NEUROD6: variants seen among roughly 807,000 people sequenced by gnomAD.
NEUROD6 encodes neurogenic differentiation factor 6.
In NEUROD6, 5 loss-of-function variants were observed where a neutral mutation model predicts 24.1. The observed-to-expected ratio is 0.21, with a 90% CI of 0.11 to 0.44. The LOEUF is 0.44. Ranked by LOEUF, NEUROD6 falls within the 20% of genes least tolerant of loss-of-function variation. The probability of loss-of-function intolerance (pLI) is 0.99; values close to 1 mark genes in which losing one functional copy is unlikely to be tolerated. For synonymous variants in NEUROD6, 182 were observed against 154.1 expected, an observed-to-expected ratio of 1.18 and a Z score of -1.34; for missense variants, 325 against 409.5, an observed-to-expected ratio of 0.79 and a Z score of 1.78.
Position 31,338,783 on chromosome 7 carries a change from G to A in NEUROD6, c.486C>T (p.Val162=). Residue 162 remains valine, a synonymous_variant, in exon 2 of 2, where the codon GTC becomes GTT. Coordinates refer to ENST00000297142, the MANE Select transcript of NEUROD6 (RefSeq NM_022728.4). This position sits in a 1 kb window ranked among gnomAD's most constrained non-coding sequence, Gnocchi z 5.1. ...IGKRPDLLTF[V]QNLCKGLSQP... ...GGGAAAGACCTTTGCATAAGTTTTG[G>A]ACGAATGTGAGCAGATCTGGTCTCT... The A allele has an allele frequency of 6.2e-7, 1 of 1,614,116 alleles. No individual in the cohort carries two copies. Among genetic ancestry groups the A allele is most frequent in the Non-Finnish European group, 8.5e-7 (1 of 1,180,018 alleles).
intron 1 of NEUROD6, 118 bp downstream of exon 1, chr7:31,340,475 A>G (rs1783110594): frequency 6.6e-6 from 1 of 152,244 alleles, no homozygotes; most frequent in African/African-American, 2.4e-5. Context: ...ATAAGAATGA[A>G]ATATGATAAG....
intron 1 of NEUROD6, among the ~76,000 whole-genome samples, chr7:31,339,815 G>A (rs1202297681): frequency 6.6e-6 from 1 of 152,070 alleles, no homozygotes; most frequent in East Asian, 1.9e-4. Context: ...TGTGAATTTA[G>A]ATAAGTGGGT....
At chr7:31,340,287 G>A (rs1434559468) in intron 1 of NEUROD6, among the ~76,000 whole-genome samples, 2 of 152,208 alleles carry the variant, frequency 1.3e-5, no homozygotes, top group Non-Finnish European at 2.9e-5. Flanking sequence ...GAAGCAGCAA[G>A]TATTTTCATC....
At position 31,338,910 on chromosome 7, in the gene NEUROD6, A is replaced by G; in HGVS notation, c.359T>C (p.Val120Ala). ...LNDALDNLRKVVPCYSKTQKL... is the reference protein window; with the variant it reads ...LNDALDNLRKAVPCYSKTQKL... Reference sequence around the variant, plus strand: ...CTGGGTTTTAGAATAACAGGGGACCACTTTTCTTAAGTTGTCCAGAGCGTC... The same window carrying G: ...CTGGGTTTTAGAATAACAGGGGACCGCTTTTCTTAAGTTGTCCAGAGCGTC... Residue 120 changes from valine (V) to alanine (A), a missense_variant, in exon 2 of 2, where the codon GTG becomes GCG. Val to Ala is a moderately conservative substitution (Grantham distance 64, BLOSUM62 0). This residue lies in a region of NEUROD6 where 41 missense variants were observed against 100.9 expected (regional missense o/e 0.41). Coordinates refer to ENST00000297142, the MANE Select transcript of NEUROD6 (RefSeq NM_022728.4). The surrounding 1 kb of genome is among the most constrained non-coding windows in gnomAD (Gnocchi z 5.1). 6.2e-7 allele frequency: 1 copy of G among 1,614,148 alleles called. No homozygotes were observed. Among genetic ancestry groups the G allele is most frequent in the Non-Finnish European group, 8.5e-7 (1 of 1,180,022 alleles).
At chr7:31,339,930 G>C (rs903421755) in intron 1 of NEUROD6, among the ~76,000 whole-genome samples, 4 of 151,934 alleles carry the variant, frequency 2.6e-5, no homozygotes, top group South Asian at 2.1e-4. Flanking sequence ...ATTTTCCCAG[G>C]CTTCAAAAAG....
rs1293085404 is a variant in NEUROD6 at position 31,339,069 on chromosome 7, T to A, written c.200A>T (p.Glu67Val). Residue 67 changes from glutamate (E) to valine (V), a missense_variant, in exon 2 of 2, where the codon GAG becomes GTG. Physicochemically the swap from Glu to Val is moderately radical, Grantham distance 121. Around this residue, in one of 3 missense-constraint regions of NEUROD6, gnomAD observed 109 missense variants for 107.3 expected, o/e 1.02. Transcript: ENST00000297142. ...EKEEEEEDRE[E>V]EDENGLPRRR... ...TCTAGGCAACCCATTTTCATCTTCC[T>A]CTTCCCTGTCTTCCTCCTCTTCTTC... is the stretch of plus-strand genomic sequence containing the variant. 3.2e-5 allele frequency: 51 copies of A among 1,613,994 alleles called. No individual in the cohort carries two copies. The highest frequency in any genetic ancestry group is 4.2e-5 in the Non-Finnish European group (49 of 1,180,030).
At position 31,339,083 on chromosome 7, in the gene NEUROD6, C is replaced by T. The variant is rs200498265; in HGVS notation, c.186G>A (p.Glu62=). The T allele has an allele frequency of 4.3e-6, 7 of 1,613,936 alleles. No individual in the cohort carries two copies. The East Asian group carries it at 1.1e-4, about 26-fold the overall frequency. ...TTTCATCTTCCTCTTCCCTGTCTTC[C>T]TCCTCTTCTTCTTTCTCGGTTTCTT... The part of the protein sequence containing the change: ...PGEETEKEEE[E]EDREEEDENG... The change falls in exon 2 of 2, where the codon GAG becomes GAA. Residue 62 remains glutamate (E), a synonymous_variant. Coordinates refer to ENST00000297142, the MANE Select transcript of NEUROD6 (RefSeq NM_022728.4).
intron 1 of NEUROD6, among the ~76,000 whole-genome samples, chr7:31,340,056 T>G (rs1331916827): frequency 2.0e-5 from 3 of 152,214 alleles, no homozygotes; most frequent in Non-Finnish European, 2.9e-5. Context: ...ACATTTAAAT[T>G]TTTTCCAAAT....
At position 31,339,116 on chromosome 7, in the gene NEUROD6, G is replaced by A. The variant is rs1371282384; in HGVS notation, c.153C>T (p.Ala51=). The A allele has an allele frequency of 6.2e-7, 1 of 1,613,486 alleles. No individual in the cohort carries two copies. Among genetic ancestry groups the A allele is most frequent in the Non-Finnish European group, 8.5e-7 (1 of 1,179,938 alleles). Reference sequence around the variant, plus strand: ...CTTCTTTCTCGGTTTCTTCTCCAGGGGCCCTTTTGATGCTCTTTCCTCGAA... The same window carrying A: ...CTTCTTTCTCGGTTTCTTCTCCAGGAGCCCTTTTGATGCTCTTTCCTCGAA... The part of the protein sequence containing the change: ...IVLRGKSIKR[A]PGEETEKEEE... The change falls in exon 2 of 2, where the codon GCC becomes GCT. Residue 51 remains alanine, a synonymous_variant. Transcript: ENST00000297142.
Position 31,339,270 on chromosome 7 carries a change from G to A in NEUROD6, c.-2C>T. 3.2e-6 allele frequency: 5 copies of A among 1,579,404 alleles called. No individual in the cohort carries two copies. Among genetic ancestry groups the A allele is most frequent in the Non-Finnish European group, 4.3e-6 (5 of 1,166,308 alleles). ...CTCATCAAACGGTAGTGTTAACATG[G>A]TTCTCTAATCTTAAATTACCTGAAA... On this transcript the variant is annotated 5_prime_UTR_variant, in exon 2 of 2. Transcript: ENST00000297142.
At chr7:31,339,396 G>T in intron 1 of NEUROD6, 107 bp from the exon 2 acceptor site, 2 of 903,584 alleles carry the variant, frequency 2.2e-6, no homozygotes, top group Non-Finnish European at 3.1e-6. Flanking sequence ...ACGTGAAAAA[G>T]ACTGATTCTG....
In NEUROD6 at chr7:31,339,155, G is replaced by C. The variant is rs760536486; in HGVS notation, c.114C>G (p.Ser38=). The C allele has an allele frequency of 6.2e-7, 1 of 1,613,868 alleles. No homozygotes were observed. ...TCTTTCCTCGAAGGACAATCTGTTT[G>C]GAAAAGCTTTCTGGCTTCTTAATTT... ...QKQIKKPESF[S]KQIVLRGKSI... Residue 38 remains serine, a synonymous_variant, in exon 2 of 2, where the codon TCC becomes TCG. Coordinates refer to ENST00000297142, the MANE Select transcript of NEUROD6 (RefSeq NM_022728.4).
chr7:31,338,480 G>C lies in NEUROD6; in HGVS notation c.789C>G (p.Pro263=), dbSNP rs772857382. The C allele has an allele frequency of 1.2e-6, 2 of 1,613,954 alleles. No homozygotes were observed. Among genetic ancestry groups the C allele is most frequent in the Non-Finnish European group, 8.5e-7 (1 of 1,179,902 alleles). Residue 263 remains proline, a synonymous_variant, in exon 2 of 2, where the codon CCC becomes CCG. Coordinates refer to ENST00000297142, the MANE Select transcript of NEUROD6 (RefSeq NM_022728.4). The surrounding 1 kb of genome is among the most constrained non-coding windows in gnomAD (Gnocchi z 5.1). ...SPQFEGPLSP[P]PINYNGIFSL... is the part of the protein sequence containing the mutation. Reference sequence around the variant, plus strand: ...AAAATATCCCATTATAGTTAATTGGGGGAGGACTTAAGGGACCTTCAAACT... The same window carrying C: ...AAAATATCCCATTATAGTTAATTGGCGGAGGACTTAAGGGACCTTCAAACT...
intron 1 of NEUROD6, 91 bp from the exon 2 acceptor site, chr7:31,339,380 A>G: frequency 2.8e-6 from 3 of 1,053,360 alleles, no homozygotes; most frequent in Non-Finnish European, 3.9e-6. Flanking sequence ...ATAAGATTAC[A>G]AAAACACGTG....
In NEUROD6 at chr7:31,337,590, T is replaced by G. The variant is rs1783075643; in HGVS notation, c.*665A>C. The G allele has an allele frequency of 2.0e-5, 3 of 152,664 alleles. No homozygotes were observed. The highest frequency in any genetic ancestry group is 2.0e-4 in the Admixed American group (3 of 15,286). The allele number at this position is 152,664 out of a possible 1,614,324, so 9.5% of individuals were successfully genotyped here. ...TAATACAAAACAAGTGCTGAAATTT[T>G]TTTCTTGATGATTGAGATAATTGTC... is the stretch of plus-strand genomic sequence containing the variant. On this transcript the variant is annotated 3_prime_UTR_variant, in exon 2 of 2. Transcript: ENST00000297142.
rs1783085229 is a variant in NEUROD6 at position 31,337,993 on chromosome 7, T to A, written c.*262A>T. 7.1e-6 allele frequency: 3 copies of A among 421,418 alleles called. No homozygotes were observed. The highest frequency in any genetic ancestry group is 8.1e-5 in the Admixed American group (2 of 24,814). 26.1% of individuals were successfully genotyped at this position (421,418 alleles called of 1,614,324 possible). A position where few individuals can be genotyped will look rare whatever the true frequency, so the allele number is the denominator to read the frequency against. ...ACCTTGTTCAAACAAATTAAATAAG[T>A]TTAAAAGAAAATTAAAAAGAAAAAA... On this transcript the variant is annotated 3_prime_UTR_variant, in exon 2 of 2. Transcript: ENST00000297142.
Position 31,338,632 on chromosome 7 carries a change from T to C in NEUROD6, c.637A>G (p.Ser213Gly), listed in dbSNP as rs1783093222. 3 of 1,614,102 alleles carry C rather than the reference T, an allele frequency of 1.9e-6. No individual in the cohort carries two copies. Among genetic ancestry groups the C allele is most frequent in the Non-Finnish European group, 2.5e-6 (3 of 1,180,026 alleles). The change falls in exon 2 of 2, where the codon AGC (serine) becomes GGC (glycine). Residue 213 changes from serine to glycine, a missense_variant. Physicochemically the swap from Ser to Gly is moderately conservative, Grantham distance 56 (BLOSUM62 0). Coordinates refer to ENST00000297142, the MANE Select transcript of NEUROD6 (RefSeq NM_022728.4). This position sits in a 1 kb window ranked among gnomAD's most constrained non-coding sequence, Gnocchi z 5.1. ...PYSTFYPPYH[S>G]PELTTPPGHG... is the part of the protein sequence containing the mutation. ...CCTGGGGGAGTGGTGAGCTCAGGGCTGTGGTAGGGTGGGTAGAAGGTAGAG... is the reference window on the plus strand; with the variant it reads ...CCTGGGGGAGTGGTGAGCTCAGGGCCGTGGTAGGGTGGGTAGAAGGTAGAG...
rs200498265 is a variant in NEUROD6 at position 31,339,083 on chromosome 7, C to A, written c.186G>T (p.Glu62Asp). 1.2e-6 allele frequency: 2 copies of A among 1,613,936 alleles called. No homozygotes were observed. Among genetic ancestry groups the A allele is most frequent in the Admixed American group, 3.3e-5 (2 of 60,002 alleles). ...PGEETEKEEE[E>D]EDREEEDENG... is the part of the protein sequence containing the mutation. ...TTTCATCTTCCTCTTCCCTGTCTTC[C>A]TCCTCTTCTTCTTTCTCGGTTTCTT... The change falls in exon 2 of 2, where the codon GAG (glutamate) becomes GAT (aspartate). Residue 62 changes from glutamate (E) to aspartate (D), a missense_variant. Glu to Asp is a conservative substitution (Grantham distance 45). Coordinates refer to ENST00000297142, the MANE Select transcript of NEUROD6 (RefSeq NM_022728.4).
Position 31,338,217 on chromosome 7 carries a change from G to A in NEUROD6, c.*38C>T, listed in dbSNP as rs1228443324. 6.5e-7 allele frequency: 1 copy of A among 1,539,580 alleles called. No homozygotes were observed. The highest frequency in any genetic ancestry group is 8.9e-7 in the Non-Finnish European group (1 of 1,117,716). The stretch of plus-strand genomic sequence containing the variant: ...CATCTGCTTTGTCTTAATTAGACAG[G>A]GGAGGTGAATGACCACTGTTTATTT... On this transcript the variant is annotated 3_prime_UTR_variant, in exon 2 of 2. Coordinates refer to ENST00000297142, the MANE Select transcript of NEUROD6 (RefSeq NM_022728.4). The surrounding 1 kb of genome is among the most constrained non-coding windows in gnomAD (Gnocchi z 5.1).
Sources: gnomAD v4.1 joint callset for allele counts (sites outside exome capture counted in the v4.1 genomes callset) on GRCh38, gnomAD v4.1.1 for gene constraint, gnomAD v4.1.1 regional missense constraint, Gnocchi (gnomAD v3.1) non-coding constraint, MANE v1.5 for transcripts, NCBI Gene and HGNC (gene_info 2026-07-23, HGNC 2026-07-21) for gene names.